Variants in CSMD1 observed in about 807,000 individuals in gnomAD.
The protein encoded by CSMD1 is CUB and sushi domain-containing protein 1.
In CSMD1, 213 loss-of-function variants were observed where a neutral mutation model predicts 417.5. The observed-to-expected ratio is 0.51, with a 90% CI of 0.46 to 0.57. The LOEUF is 0.57. Among genes scored for constraint, CSMD1 ranks in the 20% least tolerant of loss-of-function variants. The pLI, the probability that CSMD1 is intolerant of heterozygous loss-of-function variation, is 0.00. For synonymous variants in CSMD1, 2,862 were observed against 1,736.8 expected, an observed-to-expected ratio of 1.65 and a Z score of -16.11; for missense variants, 6,923 against 4,529.7, an observed-to-expected ratio of 1.53 and a Z score of -15.17.
intron 5 of CSMD1, among the ~76,000 whole-genome samples, chr8:3,923,900 T>A (rs763776680): frequency 1.3e-5 from 2 of 152,234 alleles, no homozygotes; most frequent in Non-Finnish European, 2.9e-5. Flanking sequence ...TTTTAAAATA[T>A]ATTGTCCTTT....
intron 1 of CSMD1, among the ~76,000 whole-genome samples, chr8:4,652,647 T>C (rs2130899539): frequency 6.6e-6 from 1 of 151,664 alleles, no homozygotes; most frequent in East Asian, 1.9e-4. Flanking sequence ...AGAGACTCTG[T>C]CTCAAAATTT....
chr8:3,846,684 G>C (rs371424598), intron 5 of CSMD1, among the ~76,000 whole-genome samples: 2 of 152,146 alleles, frequency 1.3e-5, no homozygotes, highest in Admixed American at 1.3e-4. Context: ...TTGAGATGGA[G>C]TTTCTCTCTG....
At chr8:3,393,272 T>A (rs1466801607) in intron 17 of CSMD1, among the ~76,000 whole-genome samples, 1 of 152,144 alleles carries the variant, frequency 6.6e-6, no homozygotes, top group Non-Finnish European at 1.5e-5. Context: ...ACGCAACAAT[T>A]TCCTGTCTTC....
At chr8:3,156,375 T>C (rs73657592) in intron 39 of CSMD1, among the ~76,000 whole-genome samples, 1,754 of 152,336 alleles carry the variant, frequency 0.012, 37 homozygotes, top group African/African-American at 0.039. Flanking sequence ...AGCCATTCTT[T>C]AATTGAAATT....
At chr8:3,243,597 T>A (rs989187923) in intron 26 of CSMD1, among the ~76,000 whole-genome samples, 12 of 151,938 alleles carry the variant, frequency 7.9e-5, no homozygotes, top group Admixed American at 4.6e-4. Context: ...GAACAGGCCA[T>A]TTTCACTTCT....
At chr8:3,800,441 C>A (rs79479496) in intron 5 of CSMD1, among the ~76,000 whole-genome samples, 1 of 152,014 alleles carries the variant, frequency 6.6e-6, no homozygotes, top group African/African-American at 2.4e-5. Context: ...AGTATAAATT[C>A]TACAAAAAGT....
At chr8:4,265,600 G>T (rs1185504200) in intron 3 of CSMD1, among the ~76,000 whole-genome samples, 1 of 104,600 alleles carries the variant, frequency 9.6e-6, no homozygotes, top group Admixed American at 9.0e-5. Context: ...TACAAAACAA[G>T]GATAATTATT....
chr8:4,143,672 G>C (rs760498744), intron 3 of CSMD1, among the ~76,000 whole-genome samples: 3 of 150,886 alleles, frequency 2.0e-5, no homozygotes, highest in Non-Finnish European at 4.4e-5. Flanking sequence ...CCAGGTTCTT[G>C]GCATTTAGAA....
At chr8:3,643,395 G>A (rs1250098009) in intron 7 of CSMD1, among the ~76,000 whole-genome samples, 1 of 152,070 alleles carries the variant, frequency 6.6e-6, no homozygotes, top group African/African-American at 2.4e-5. Flanking sequence ...GAGTCCCTGA[G>A]TGCCTTATCA....
chr8:4,206,339 T>G (rs1042747731), intron 3 of CSMD1, among the ~76,000 whole-genome samples: 5 of 152,058 alleles, frequency 3.3e-5, no homozygotes, highest in African/African-American at 1.2e-4. Context: ...TGCTATCCCT[T>G]TCCCCTCCCC....
At chr8:4,591,574 T>A (rs191993920) in intron 2 of CSMD1, among the ~76,000 whole-genome samples, 188 of 152,250 alleles carry the variant, frequency 1.2e-3, no homozygotes, top group Non-Finnish European at 2.1e-3. Context: ...GCTTCTCTCT[T>A]GGGAGCAGAT....
chr8:4,757,668 G>A (rs1001243845), intron 1 of CSMD1, among the ~76,000 whole-genome samples: 1 of 152,064 alleles, frequency 6.6e-6, no homozygotes, highest in Non-Finnish European at 1.5e-5. Context: ...TGTGTAAAAA[G>A]CGACATTATG....
At chr8:3,395,541 G>C (rs187050424) in intron 17 of CSMD1, among the ~76,000 whole-genome samples, 2 of 152,208 alleles carry the variant, frequency 1.3e-5, no homozygotes, top group East Asian at 1.9e-4. Flanking sequence ...GTAAACAAGG[G>C]CAGGAAAACT....
intron 49 of CSMD1, among the ~76,000 whole-genome samples, chr8:3,077,216 T>C (rs1378667900): frequency 6.6e-6 from 1 of 151,092 alleles, no homozygotes; most frequent in Non-Finnish European, 1.5e-5. Flanking sequence ...GTGAGAACCA[T>C]TGGTCATGGA....
intron 1 of CSMD1, among the ~76,000 whole-genome samples, chr8:4,829,852 G>T (rs1287948469): frequency 6.6e-6 from 1 of 152,152 alleles, no homozygotes; most frequent in African/African-American, 2.4e-5. Flanking sequence ...TGGGGACAAG[G>T]GGCTGGTCAG....
At chr8:4,871,587 G>C (rs1449207480) in intron 1 of CSMD1, among the ~76,000 whole-genome samples, 1 of 152,100 alleles carries the variant, frequency 6.6e-6, no homozygotes, top group East Asian at 1.9e-4. Flanking sequence ...ATAAGGCAAA[G>C]ATCAAATGGT....
At chr8:3,689,275 C>T (rs1337126291) in intron 7 of CSMD1, among the ~76,000 whole-genome samples, 3 of 152,126 alleles carry the variant, frequency 2.0e-5, no homozygotes, top group African/African-American at 4.8e-5. Context: ...TGCAGCTGAG[C>T]GTCAGGGGCC....
chr8:4,919,605 T>C (rs966132541), intron 1 of CSMD1, among the ~76,000 whole-genome samples: 3 of 152,216 alleles, frequency 2.0e-5, no homozygotes, highest in African/African-American at 7.2e-5. Flanking sequence ...CTAAATGTAG[T>C]AACAATTTGT....
At chr8:4,435,912 G>GA (rs1798123653) in intron 2 of CSMD1, among the ~76,000 whole-genome samples, 1 of 152,176 alleles carries the variant, frequency 6.6e-6, no homozygotes, top group African/African-American at 2.4e-5. Context: ...AGATTTGACG[G>GA]AAAATAATTA....
Sources: gnomAD v4.1 joint callset for allele counts (sites outside exome capture counted in the v4.1 genomes callset) on GRCh38, gnomAD v4.1.1 for gene constraint, MANE v1.5 for transcripts, NCBI Gene and HGNC (gene_info 2026-07-23, HGNC 2026-07-21) for gene names.